The following LZTFL1 variants were observed in gnomAD, a reference collection of about 807,000 sequenced individuals.
LZTFL1 encodes leucine zipper transcription factor-like protein 1.
In LZTFL1, 25 loss-of-function variants were observed where a neutral mutation model predicts 45.9. The observed-to-expected ratio is 0.54, with a 90% CI of 0.40 to 0.76. The LOEUF is 0.76. LZTFL1 is among the 30% of genes least tolerant of loss of function. The pLI is 0.00. For synonymous variants in LZTFL1, 93 were observed against 117.4 expected, an observed-to-expected ratio of 0.79 and a Z score of 1.35; for missense variants, 277 against 331.1, an observed-to-expected ratio of 0.84 and a Z score of 1.27.
At chr3:45,839,862 G>A (rs1482728546) in intron 1 of LZTFL1, among the ~76,000 whole-genome samples, 1 of 152,140 alleles carries the variant, frequency 6.6e-6, no homozygotes, top group Non-Finnish European at 1.5e-5. Context: ...GGCCTAACCT[G>A]TTTCACCTAC....
chr3:45,902,039 T>G (rs1371866275), intron 2 of LZTFL1: 18 of 755,588 alleles, frequency 2.4e-5, no homozygotes, highest in Admixed American at 1.3e-4. Flanking sequence ...TTACTTGTAG[T>G]CAGAATTTGC....
rs1700656270 is a variant in LZTFL1 at position 45,826,130 on chromosome 3, AGAAT to A, written c.*180_*183del. On this transcript the variant is annotated 3_prime_UTR_variant, in exon 10 of 10. Transcript: ENST00000296135. ...AGAGAGGTGTGTGGGATGACCAGAC[AGAAT>A]CACTAGGTTTTCTCTGTTTTCAACT... 5 of 602,244 alleles carry A rather than the reference AGAAT, an allele frequency of 8.3e-6. No homozygotes were observed. The highest frequency in any genetic ancestry group is 1.2e-5 in the Non-Finnish European group (4 of 339,666). The allele number at this position is 602,244 out of a possible 1,614,324, so 37.3% of individuals were successfully genotyped here.
intron 2 of LZTFL1, among the ~76,000 whole-genome samples, chr3:45,885,007 G>A (rs941736722): frequency 3.3e-5 from 5 of 152,152 alleles, no homozygotes; most frequent in African/African-American, 4.8e-5. Flanking sequence ...GTTCCTTAAG[G>A]CTGATGAATC....
At chr3:45,911,106 C>T (rs552749608) in intron 2 of LZTFL1, among the ~76,000 whole-genome samples, 1 of 152,316 alleles carries the variant, frequency 6.6e-6, no homozygotes, top group African/African-American at 2.4e-5. Context: ...GTTGCAGGTC[C>T]TTTTCTGACA....
chr3:45,869,353 A>G (rs1180790495), intron 2 of LZTFL1, among the ~76,000 whole-genome samples: 3 of 152,204 alleles, frequency 2.0e-5, no homozygotes, highest in East Asian at 3.8e-4. Context: ...TTTCATGAAG[A>G]CTTTCCTAGA....
chr3:45,831,248 C>G, intron 5 of LZTFL1, 110 bp from the exon 6 acceptor site: 8 of 638,996 alleles, frequency 1.3e-5, no homozygotes, highest in Middle Eastern at 4.4e-4. Flanking sequence ...TACATAATAG[C>G]TCAAAAATGT....
intron 2 of LZTFL1, among the ~76,000 whole-genome samples, chr3:45,912,501 C>T (rs1195123961): frequency 2.6e-5 from 4 of 152,152 alleles, no homozygotes; most frequent in Non-Finnish European, 4.4e-5. Context: ...CTGGGCTTTG[C>T]GAAGCTCGGG....
chr3:45,897,989 A>AAAC lies in LZTFL1; in HGVS notation c.-215+15130_-215+15131insGTT, dbSNP rs1256441914. On this transcript the variant is annotated intron_variant, in intron 2 of 4. Coordinates refer to the LZTFL1 transcript ENST00000472635. ...AGCTATTTGACCAAAAAAAAAAAAAAAAAACACACAAAACACAAAACACCA... is the reference window on the plus strand; with the variant it reads ...AGCTATTTGACCAAAAAAAAAAAAAAAACAAAACACACAAAACACAAAACACCA... Among the ~76,000 whole-genome samples the AAAC allele has an allele frequency of 2.0e-4, 31 of 151,848 alleles. 1 individual carries two copies. The highest frequency in any genetic ancestry group is 1.3e-3 in the Admixed American group (20 of 15,228).
At chr3:45,868,563 T>C (rs958129969) in intron 2 of LZTFL1, among the ~76,000 whole-genome samples, 4 of 152,210 alleles carry the variant, frequency 2.6e-5, no homozygotes, top group African/African-American at 7.2e-5. Context: ...TTTGCAAATA[T>C]AGCTTTGTTT....
At chr3:45,910,738 T>C (rs1029184379) in intron 2 of LZTFL1, among the ~76,000 whole-genome samples, 1 of 152,258 alleles carries the variant, frequency 6.6e-6, no homozygotes, top group Non-Finnish European at 1.5e-5. Flanking sequence ...GAAGTGATTC[T>C]AAGAACCTTG....
At chr3:45,846,181 C>T (rs1380750486), upstream of LZTFL1, among the ~76,000 whole-genome samples, 1 of 152,142 alleles carries the variant, frequency 6.6e-6, no homozygotes, top group African/African-American at 2.4e-5. Flanking sequence ...TATCATAAGG[C>T]AGCAGACATA....
intron 2 of LZTFL1, among the ~76,000 whole-genome samples, chr3:45,866,778 T>C (rs1701584057): frequency 1.3e-5 from 2 of 152,352 alleles, no homozygotes; most frequent in East Asian, 1.9e-4. Context: ...GTATTCACCA[T>C]AGAGGCTATC....
chr3:45,889,671 T>C (rs1702087230), intron 2 of LZTFL1, among the ~76,000 whole-genome samples: 1 of 151,930 alleles, frequency 6.6e-6, no homozygotes, highest in Admixed American at 6.6e-5. Context: ...AGCAGTGCAG[T>C]GTATGTCTTT....
At chr3:45,853,379 G>C (rs147986506) in intron 4 of LZTFL1, among the ~76,000 whole-genome samples, 65 of 152,242 alleles carry the variant, frequency 4.3e-4, no homozygotes, top group African/African-American at 1.5e-3. Context: ...TTGGGGCAAG[G>C]TGCATAGAAA....
At chr3:45,833,942 G>A (rs1700899171) in intron 4 of LZTFL1, among the ~76,000 whole-genome samples, 1 of 152,224 alleles carries the variant, frequency 6.6e-6, no homozygotes, top group African/African-American at 2.4e-5. Context: ...AGGTGTGGCT[G>A]ACCCTACAGC....
At position 45,835,588 on chromosome 3, in the gene LZTFL1, AC is replaced by A; in HGVS notation, c.323+1del. On this transcript the variant is annotated splice_donor_variant, in intron 3 of 9. Coordinates refer to ENST00000296135, the MANE Select transcript of LZTFL1 (RefSeq NM_020347.4). LOFTEE classifies it high-confidence loss of function. The stretch of plus-strand genomic sequence containing the variant: ...CACAGTTGCAAGTTCAAATTTTATT[AC>A]CGGTTTTCAAGTTCAGAGATGTCTG... 6.2e-7 allele frequency: 1 copy of A among 1,613,416 alleles called. No individual in the cohort carries two copies. The highest frequency in any genetic ancestry group is 1.1e-5 in the South Asian group (1 of 90,992).
chr3:45,878,092 A>T (rs759957775), intron 2 of LZTFL1, among the ~76,000 whole-genome samples: 3 of 152,226 alleles, frequency 2.0e-5, no homozygotes, highest in Admixed American at 6.5e-5. Flanking sequence ...TTTATGGGGT[A>T]CAATGTGATG....
intron 1 of LZTFL1, among the ~76,000 whole-genome samples, chr3:45,914,994 T>G (rs1702869262): frequency 6.6e-6 from 1 of 152,008 alleles, no homozygotes; most frequent in Non-Finnish European, 1.5e-5. Context: ...CTGCTGCTTG[T>G]GAAAGCATGC....
At chr3:45,851,380 C>A (rs1559409372) in intron 4 of LZTFL1, among the ~76,000 whole-genome samples, 1 of 151,902 alleles carries the variant, frequency 6.6e-6, no homozygotes, top group Non-Finnish European at 1.5e-5. Flanking sequence ...GCACCTGCCA[C>A]CACGCCCAGC....
Sources: gnomAD v4.1 joint callset for allele counts (sites outside exome capture counted in the v4.1 genomes callset) on GRCh38, gnomAD v4.1.1 for gene constraint, MANE v1.5 for transcripts, NCBI Gene and HGNC (gene_info 2026-07-23, HGNC 2026-07-21) for gene names.